Variants in TTC14 observed in about 807,000 individuals in gnomAD.
TTC14 encodes the protein tetratricopeptide repeat domain 14, also known as tetratricopeptide repeat protein 14.
In TTC14, 63 loss-of-function variants were observed where a neutral mutation model predicts 79.9. That is an observed-to-expected ratio of 0.79 (90% confidence interval 0.64 to 0.97). The LOEUF (loss-of-function observed/expected upper bound fraction) is 0.97. Ranked by LOEUF, TTC14 falls within the 50% of genes least tolerant of loss-of-function variation. The probability of loss-of-function intolerance (pLI) is 0.00; values close to 1 mark genes in which losing one functional copy is unlikely to be tolerated. For missense variants in TTC14, 895 were observed against 894.0 expected (o/e 1.00, Z -0.01); for synonymous variants, 335 against 309.6 (o/e 1.08, Z -0.86).
Position 180,610,229 on chromosome 3 carries a change from G to C in TTC14, c.2000G>C (p.Arg667Thr). The C allele has an allele frequency of 6.2e-7, 1 of 1,613,972 alleles. No homozygotes were observed. The highest frequency in any genetic ancestry group is 8.5e-7 in the Non-Finnish European group (1 of 1,179,918). The change falls in exon 12 of 12, where the codon AGG (arginine) becomes ACG (threonine). Residue 667 changes from arginine (R) to threonine (T), a missense_variant. Physicochemically the swap from Arg to Thr is moderately conservative, Grantham distance 71. Transcript: ENST00000296015. ...AGAAGGTGGGAACCAGGTTCTGTGAGGCATTCTACCTCACCAGCAAGCTCA... is the reference window on the plus strand; with the variant it reads ...AGAAGGTGGGAACCAGGTTCTGTGACGCATTCTACCTCACCAGCAAGCTCA... ...HYRRWEPGSV[R>T]HSTSPASSEY... is the part of the protein sequence containing the mutation.
chr3:180,604,140 T>C, intron 3 of TTC14, 85 bp from the exon 4 acceptor site: 2 of 1,211,274 alleles, frequency 1.7e-6, no homozygotes, highest in Non-Finnish European at 1.2e-6. Context: ...ACTAGCTGTT[T>C]CATACCAAAC....
intron 6 of TTC14, chr3:180,605,527 C>T (rs1310043297): frequency 6.8e-5 from 23 of 338,316 alleles, no homozygotes; most frequent in Non-Finnish European, 9.1e-5. Context: ...GTGATCCACC[C>T]GCCTCGACCT....
At chr3:180,613,030 A>G (rs1717087700), downstream of TTC14, among the ~76,000 whole-genome samples, 2 of 152,226 alleles carry the variant, frequency 1.3e-5, no homozygotes, top group Non-Finnish European at 2.9e-5. Flanking sequence ...ACCAAATGAG[A>G]TATCTCTCAT....
chr3:180,614,854 T>C, downstream of TTC14: 36 of 1,399,402 alleles, frequency 2.6e-5, no homozygotes, highest in South Asian at 4.6e-4. Flanking sequence ...ATGTGTTGGG[T>C]CGTTTTGTAT....
At chr3:180,616,695 A>G in intron 12 of TTC14, 1 of 1,584,950 alleles carries the variant, frequency 6.3e-7, no homozygotes. Context: ...AGTTTTGCAC[A>G]CTGTTGGTAA....
At chr3:180,607,866 A>G (rs1716778949) in intron 10 of TTC14, 101 bp downstream of exon 10, 1 of 1,517,748 alleles carries the variant, frequency 6.6e-7, no homozygotes. Context: ...TAAGTAAGGC[A>G]TTATGAAAAG....
rs764904656 is a variant in TTC14 at position 180,602,976 on chromosome 3, G to C, written c.247G>C (p.Asp83His). 1 of 1,613,930 alleles carries C rather than the reference G, an allele frequency of 6.2e-7. No individual in the cohort carries two copies. The highest frequency in any genetic ancestry group is 8.5e-7 in the Non-Finnish European group (1 of 1,179,974). ...DLLFALSWKSDAPATSEINED... is the reference protein window; with the variant it reads ...DLLFALSWKSHAPATSEINED... Reference sequence around the variant, plus strand: ...GCTTTTTGCACTTTCCTGGAAATCAGATGCACCTGCAACTTCTGAAATTAA... The same window carrying C: ...GCTTTTTGCACTTTCCTGGAAATCACATGCACCTGCAACTTCTGAAATTAA... The change falls in exon 2 of 12, where the codon GAT (aspartate) becomes CAT (histidine). Residue 83 changes from aspartate to histidine, a missense_variant. Transcript: ENST00000296015.
chr3:180,609,346 TCTC>T, intron 11 of TTC14: 1 of 1,083,668 alleles, frequency 9.2e-7, no homozygotes, highest in East Asian at 6.1e-5. Flanking sequence ...AAAGTTGAGT[TCTC>T]CTTTATGTGT....
chr3:180,605,827 G>T lies in TTC14; in HGVS notation c.919G>T (p.Ala307Ser). ...ALRKKQSASW[A>S]LKCVKIGVDY... ...GAGAAAAAAACAATCCGCATCTTGG[G>T]CTTTAAAATGGTATGAAGACTGTCT... Residue 307 changes from alanine (A) to serine (S), a missense_variant, in exon 7 of 12, where the codon GCT becomes TCT. Physicochemically the swap from Ala to Ser is moderately conservative, Grantham distance 99. Transcript: ENST00000296015. 6 of 1,573,628 alleles carry T rather than the reference G, an allele frequency of 3.8e-6. No homozygotes were observed. The highest frequency in any genetic ancestry group is 5.1e-6 in the Non-Finnish European group (6 of 1,168,756).
chr3:180,606,468 TTCATGTCTCTAGA>T lies in TTC14; in HGVS notation c.1050-11_1051del. Reference sequence around the variant, plus strand: ...GTGAGATACAGCCCTCTATCTTTGTTTCATGTCTCTAGATATGCGACAAAAGGAAGTTTGAACA... The same window carrying T: ...GTGAGATACAGCCCTCTATCTTTGTTTATGCGACAAAAGGAAGTTTGAACA... On this transcript the variant is annotated splice_acceptor_variant and splice_polypyrimidine_tract_variant and coding_sequence_variant and intron_variant, in exon 9 of 12. Coordinates refer to ENST00000296015, the MANE Select transcript of TTC14 (RefSeq NM_133462.4). LOFTEE classifies it high-confidence loss of function. 6.2e-7 allele frequency: 1 copy of T among 1,613,444 alleles called. No individual in the cohort carries two copies. The highest frequency in any genetic ancestry group is 1.1e-5 in the South Asian group (1 of 90,956).
At chr3:180,617,432 T>C (rs1717288820) in exon 13 of TTC14, 1 of 683,478 alleles carries the variant, frequency 1.5e-6, no homozygotes, top group Non-Finnish European at 2.7e-6. Flanking sequence ...AGGCAGGTCC[T>C]TCAGGAGATA....
Position 180,609,655 on chromosome 3 carries a change from A to G in TTC14, c.1426A>G (p.Thr476Ala), listed in dbSNP as rs1392931233. ...GCTAAAGAAGAAAAGAAGAAAATCA[A>G]CTTCTTCTTCAAGTGTTTCTTCTGC... Reference protein sequence around the residue: ...KRLKKKRRKSTSSSSVSSADE... With the variant: ...KRLKKKRRKSASSSSVSSADE... The change falls in exon 12 of 12, where the codon ACT becomes GCT. Residue 476 changes from threonine (T) to alanine (A), a missense_variant. Transcript: ENST00000296015. The G allele has an allele frequency of 3.8e-6, 6 of 1,568,570 alleles. No individual in the cohort carries two copies. The highest frequency in any genetic ancestry group is 5.2e-6 in the Non-Finnish European group (6 of 1,163,852).
rs1279389781 is a variant in TTC14 at position 180,604,910 on chromosome 3, TC to T, written c.762del (p.Leu255TrpfsTer8). 24 of 1,614,010 alleles carry T rather than the reference TC, an allele frequency of 1.5e-5. No homozygotes were observed. The highest frequency in any genetic ancestry group is 2.0e-5 in the Non-Finnish European group (24 of 1,180,012). ...GTCCTATGAAAATGTCATGCAGAGT[TC>T]CTTGGGATTTGTTAATCCAGGAGTA... ...LESYENVMQS[S>X]LGFVNPGVVE... On this transcript the variant is annotated frameshift_variant, in exon 6 of 12. Coordinates refer to ENST00000296015, the MANE Select transcript of TTC14 (RefSeq NM_133462.4). LOFTEE classifies it high-confidence loss of function.
At chr3:180,609,120 C>A in intron 11 of TTC14, 1 of 796,800 alleles carries the variant, frequency 1.3e-6, no homozygotes, top group Non-Finnish European at 1.5e-6. Flanking sequence ...TGGATTTATT[C>A]ACCCGGGGAC....
chr3:180,617,190 G>A (rs910076177), intron 12 of TTC14, among the ~76,000 whole-genome samples: 4 of 152,036 alleles, frequency 2.6e-5, no homozygotes, highest in Non-Finnish European at 4.4e-5. Flanking sequence ...GTTACCTAGC[G>A]ACATTGTAAT....
At chr3:180,607,543 T>C in intron 9 of TTC14, 105 bp from the exon 10 acceptor site, 1 of 1,370,228 alleles carries the variant, frequency 7.3e-7, no homozygotes, top group Non-Finnish European at 9.5e-7. Context: ...ATAATTTACT[T>C]GGCTTTTCCC....
At chr3:180,609,473 T>C in intron 11 of TTC14, 157 bp from the exon 12 acceptor site, 1 of 1,317,074 alleles carries the variant, frequency 7.6e-7, no homozygotes, top group Non-Finnish European at 9.6e-7. Flanking sequence ...AAGTGCTTAA[T>C]AGTAAAATTA....
rs771590799 is a variant in TTC14, at chr3:180,606,336, A to G, written c.1013A>G (p.Lys338Arg). Reference sequence around the variant, plus strand: ...TACAATAAAGCTTTGGAAATAGACAAACAAAACGTGGAAGCTTTGGTAGCT... The same window carrying G: ...TACAATAAAGCTTTGGAAATAGACAGACAAAACGTGGAAGCTTTGGTAGCT... ...NEYNKALEID[K>R]QNVEALVARG... Residue 338 changes from lysine (K) to arginine (R), a missense_variant, in exon 8 of 12, where the codon AAA (lysine) becomes AGA (arginine). Coordinates refer to ENST00000296015, the MANE Select transcript of TTC14 (RefSeq NM_133462.4). 1.2e-5 allele frequency: 20 copies of G among 1,614,004 alleles called. No individual in the cohort carries two copies. The highest frequency in any genetic ancestry group is 9.9e-5 in the South Asian group (9 of 91,084).
chr3:180,609,508 G>A (rs528779071), intron 11 of TTC14, 122 bp from the exon 12 acceptor site: 2 of 1,335,028 alleles, frequency 1.5e-6, no homozygotes, highest in East Asian at 2.8e-5. Context: ...CGAGATTATT[G>A]TATCATTTAT....
Sources: gnomAD v4.1 joint callset for allele counts (sites outside exome capture counted in the v4.1 genomes callset) on GRCh38, gnomAD v4.1.1 for gene constraint, MANE v1.5 for transcripts, NCBI Gene and HGNC (gene_info 2026-07-23, HGNC 2026-07-21) for gene names.